Variants in GPC6 observed in about 807,000 individuals in gnomAD.
GPC6 encodes glypican-6.
GPC6 carries 14 observed loss-of-function variants against 55.2 expected under a neutral mutation model. The ratio of observed to expected loss-of-function variants is 0.25; its 90% CI spans 0.17 to 0.40. GPC6 has a LOEUF of 0.40. Among genes scored for constraint, GPC6 ranks in the 10% least tolerant of loss-of-function variants. GPC6 has a pLI of 1.00. For synonymous variants in GPC6, 278 were observed against 259.6 expected, an observed-to-expected ratio of 1.07 and a Z score of -0.68; for missense variants, 641 against 708.5, an observed-to-expected ratio of 0.90 and a Z score of 1.08.
At chr13:93,528,884 A>G (rs960628875) in intron 1 of GPC6, among the ~76,000 whole-genome samples, 5 of 152,180 alleles carry the variant, frequency 3.3e-5, no homozygotes, top group African/African-American at 1.2e-4. Context: ...TCTTGATATC[A>G]TTGAAAAAGA....
intron 4 of GPC6, among the ~76,000 whole-genome samples, chr13:94,038,942 T>C (rs1407544296): frequency 1.3e-5 from 2 of 151,956 alleles, no homozygotes; most frequent in East Asian, 3.9e-4. Flanking sequence ...ATGCACTTCA[T>C]CAAGCAAGCT....
At chr13:93,444,189 A>G (rs1439566770) in intron 1 of GPC6, among the ~76,000 whole-genome samples, 3 of 134,634 alleles carry the variant, frequency 2.2e-5, no homozygotes, top group East Asian at 2.2e-4. Flanking sequence ...TCAAAATGCA[A>G]TTCTTCTTTT....
chr13:94,330,736 G>A (rs1877366397), intron 6 of GPC6, among the ~76,000 whole-genome samples: 1 of 152,084 alleles, frequency 6.6e-6, no homozygotes, highest in South Asian at 2.1e-4. Flanking sequence ...TATGCAATGA[G>A]CTCTGTGCTC....
At chr13:93,419,373 T>C (rs1876839062) in intron 1 of GPC6, among the ~76,000 whole-genome samples, 1 of 151,968 alleles carries the variant, frequency 6.6e-6, no homozygotes, top group African/African-American at 2.4e-5. Context: ...TGAAAAATGT[T>C]AGCATCTCCT....
chr13:93,650,139 A>AT (rs980608982), intron 2 of GPC6, among the ~76,000 whole-genome samples: 26 of 151,544 alleles, frequency 1.7e-4, no homozygotes, highest in East Asian at 9.7e-4. Context: ...AATAATCTAC[A>AT]TTTTTTTTTC....
intron 1 of GPC6, among the ~76,000 whole-genome samples, chr13:93,295,722 C>T (rs769509497): frequency 9.9e-5 from 15 of 151,742 alleles, no homozygotes; most frequent in Non-Finnish European, 1.9e-4. Flanking sequence ...ACCTTGTGAT[C>T]CGCCCACCTT....
intron 4 of GPC6, among the ~76,000 whole-genome samples, chr13:94,152,437 TCAAA>T (rs1343498000): frequency 1.3e-5 from 2 of 152,150 alleles, no homozygotes; most frequent in African/African-American, 2.4e-5. Flanking sequence ...CATTTATTCA[TCAAA>T]CAAATAGTTC....
At chr13:93,693,251 C>T (rs1882320979) in intron 2 of GPC6, among the ~76,000 whole-genome samples, 1 of 152,060 alleles carries the variant, frequency 6.6e-6, no homozygotes, top group Non-Finnish European at 1.5e-5. Context: ...AGTGCTTTCA[C>T]ATAAATAACA....
At chr13:93,921,452 TAG>T (rs1877564847) in intron 3 of GPC6, among the ~76,000 whole-genome samples, 5 of 152,024 alleles carry the variant, frequency 3.3e-5, no homozygotes, top group African/African-American at 1.2e-4. Context: ...ATAGTAAATG[TAG>T]GGGATTTTAT....
At chr13:94,369,587 A>G (rs1879441117) in intron 6 of GPC6, among the ~76,000 whole-genome samples, 1 of 152,202 alleles carries the variant, frequency 6.6e-6, no homozygotes, top group Non-Finnish European at 1.5e-5. Context: ...GATTTATTCC[A>G]TTTTTAATTA....
At chr13:93,348,385 A>G (rs1018622038) in intron 1 of GPC6, among the ~76,000 whole-genome samples, 1 of 152,222 alleles carries the variant, frequency 6.6e-6, no homozygotes, top group African/African-American at 2.4e-5. Context: ...GTCCTTTGCA[A>G]TTACATAATC....
chr13:93,634,032 C>T (rs541280890), intron 2 of GPC6, among the ~76,000 whole-genome samples: 27 of 152,168 alleles, frequency 1.8e-4, no homozygotes, highest in Non-Finnish European at 2.8e-4. Context: ...TAACATACTA[C>T]TGGGTATACT....
chr13:94,040,094 A>G (rs966818657), intron 4 of GPC6, among the ~76,000 whole-genome samples: 5 of 151,810 alleles, frequency 3.3e-5, no homozygotes, highest in Non-Finnish European at 7.4e-5. Flanking sequence ...TTGATTTTCT[A>G]TTGGTTATGA....
chr13:93,519,906 A>G (rs189942509), intron 1 of GPC6, among the ~76,000 whole-genome samples: 3 of 152,126 alleles, frequency 2.0e-5, no homozygotes, highest in East Asian at 3.9e-4. Context: ...ACTGAAACGA[A>G]TTTTGTCATC....
chr13:94,039,998 A>G (rs1375328990), intron 4 of GPC6, among the ~76,000 whole-genome samples: 1 of 151,864 alleles, frequency 6.6e-6, no homozygotes, highest in African/African-American at 2.4e-5. Flanking sequence ...GCTCTCCAAA[A>G]TATGTTTTTA....
chr13:93,376,100 C>T (rs1169336127), intron 1 of GPC6, among the ~76,000 whole-genome samples: 2 of 144,378 alleles, frequency 1.4e-5, no homozygotes, highest in African/African-American at 2.6e-5. Flanking sequence ...ACAGAGAGGA[C>T]ATGGAGTAAG....
chr13:94,098,675 G>A (rs1885749619), intron 4 of GPC6, among the ~76,000 whole-genome samples: 1 of 152,022 alleles, frequency 6.6e-6, no homozygotes, highest in South Asian at 2.1e-4. Context: ...GTTTATAAAT[G>A]ATCTTCTGAA....
In GPC6 at chr13:93,743,468, G is replaced by A. The variant is rs572144316; in HGVS notation, c.320-86686G>A. The stretch of plus-strand genomic sequence containing the variant: ...TATTATCTTAAGGTATTCATCATTA[G>A]ACTAACATTTTTCTCTAATTTTCAT... On this transcript the variant is annotated intron_variant, in intron 2 of 8. Coordinates refer to ENST00000377047, the MANE Select transcript of GPC6 (RefSeq NM_005708.5). Among the ~76,000 whole-genome samples the A allele has an allele frequency of 9.6e-4, 146 of 152,186 alleles. 1 individual carries two copies. Among genetic ancestry groups the A allele is most frequent in the Middle Eastern group, 3.4e-3 (1 of 292 alleles).
chr13:93,651,174 A>G (rs993817442), intron 2 of GPC6, among the ~76,000 whole-genome samples: 15 of 152,170 alleles, frequency 9.9e-5, no homozygotes, highest in African/African-American at 3.6e-4. Context: ...AAAAATGCAG[A>G]AGATTATTAA....
Sources: allele counts gnomAD v4.1 joint callset (sites outside exome capture counted in the v4.1 genomes callset), GRCh38; gene constraint gnomAD v4.1.1; transcripts MANE v1.5; gene names NCBI Gene and HGNC (gene_info 2026-07-23, HGNC 2026-07-21).